CNTNAP2: variants seen among roughly 807,000 people sequenced by gnomAD.
CNTNAP2 encodes contactin-associated protein-like 2.
Under a neutral mutation model 155.2 loss-of-function variants are expected in CNTNAP2, and 98 were observed. That is an observed-to-expected ratio of 0.63 (90% CI 0.54 to 0.75). The LOEUF is 0.75. CNTNAP2 is among the 30% of genes least tolerant of loss of function. The pLI, the probability that CNTNAP2 is intolerant of heterozygous loss-of-function variation, is 0.00. For synonymous variants in CNTNAP2, 651 were observed against 631.2 expected, an observed-to-expected ratio of 1.03 and a Z score of -0.47; for missense variants, 1,727 against 1,688.1, an observed-to-expected ratio of 1.02 and a Z score of -0.40.
chr7:148,052,363 G>GA (rs11377797), intron 15 of CNTNAP2, among the ~76,000 whole-genome samples: 85,227 of 139,224 alleles, frequency 0.61, 26,003 homozygotes, highest in East Asian at 0.84. Flanking sequence ...CCAGGTGATG[G>GA]AAAAAAAAAA....
chr7:146,976,511 G>C (rs2129235274), intron 3 of CNTNAP2, among the ~76,000 whole-genome samples: 1 of 152,246 alleles, frequency 6.6e-6, no homozygotes, highest in Non-Finnish European at 1.5e-5. Flanking sequence ...ACAGAACTCA[G>C]GGAAAGACTT....
chr7:147,690,055 T>C (rs146831553), intron 13 of CNTNAP2, among the ~76,000 whole-genome samples: 1 of 152,270 alleles, frequency 6.6e-6, no homozygotes, highest in East Asian at 1.9e-4. Context: ...CCTTCCTTTC[T>C]TCCTCATTGT....
chr7:146,620,118 C>T (rs1305588003), intron 1 of CNTNAP2, among the ~76,000 whole-genome samples: 1 of 152,128 alleles, frequency 6.6e-6, no homozygotes, highest in African/African-American at 2.4e-5. Context: ...CCACAATACT[C>T]TTAAGTCATT....
At chr7:148,000,161 T>G (rs996328262) in intron 15 of CNTNAP2, among the ~76,000 whole-genome samples, 2 of 152,200 alleles carry the variant, frequency 1.3e-5, no homozygotes, top group Admixed American at 6.5e-5. Flanking sequence ...TTCAGTCTGA[T>G]GCGGAGTCAG....
intron 1 of CNTNAP2, among the ~76,000 whole-genome samples, chr7:146,160,839 C>G (rs1798209748): frequency 6.6e-6 from 1 of 152,150 alleles, no homozygotes; most frequent in Non-Finnish European, 1.5e-5. Context: ...GGAATCCTCC[C>G]TAATTCATTT....
At chr7:147,703,467 A>T (rs1377875145) in intron 13 of CNTNAP2, among the ~76,000 whole-genome samples, 1 of 152,198 alleles carries the variant, frequency 6.6e-6, no homozygotes, top group Non-Finnish European at 1.5e-5. Context: ...GCTGTTTAGG[A>T]CAACAGATCA....
intron 15 of CNTNAP2, among the ~76,000 whole-genome samples, chr7:148,020,982 C>T (rs904939006): frequency 3.3e-5 from 5 of 152,242 alleles, no homozygotes; most frequent in Non-Finnish European, 7.3e-5. Flanking sequence ...TTACTGAATA[C>T]TTTCTTGCAT....
intron 2 of CNTNAP2, among the ~76,000 whole-genome samples, chr7:146,827,547 A>C (rs1283696959): frequency 6.6e-6 from 1 of 151,482 alleles, no homozygotes; most frequent in Non-Finnish European, 1.5e-5. Context: ...GAGAATGATG[A>C]CATTTTCTGG....
chr7:146,374,704 A>T (rs1362608864), intron 1 of CNTNAP2, among the ~76,000 whole-genome samples: 9 of 152,222 alleles, frequency 5.9e-5, no homozygotes, highest in Non-Finnish European at 2.9e-5. Flanking sequence ...GCCTATAAAG[A>T]TAATCAAACA....
At chr7:148,122,806 A>C (rs1804626977) in intron 16 of CNTNAP2, among the ~76,000 whole-genome samples, 1 of 151,990 alleles carries the variant, frequency 6.6e-6, no homozygotes, top group Non-Finnish European at 1.5e-5. Context: ...CCGAGATCAC[A>C]CCACTGCACT....
intron 14 of CNTNAP2, among the ~76,000 whole-genome samples, chr7:147,915,220 A>G (rs1047686229): frequency 3.9e-5 from 6 of 152,338 alleles, no homozygotes; most frequent in East Asian, 3.9e-4. Context: ...CCTGGCCCCA[A>G]TATTGGAAGG....
chr7:147,770,234 A>G (rs531836637), intron 13 of CNTNAP2, among the ~76,000 whole-genome samples: 1 of 152,318 alleles, frequency 6.6e-6, no homozygotes, highest in Non-Finnish European at 1.5e-5. Flanking sequence ...GTGATCTATG[A>G]TAATCTACAA....
intron 3 of CNTNAP2, among the ~76,000 whole-genome samples, chr7:146,913,307 T>C (rs1796327599): frequency 6.6e-6 from 1 of 152,148 alleles, no homozygotes; most frequent in African/African-American, 2.4e-5. Context: ...TGGTGCCTTC[T>C]TCATTCAGAG....
intron 1 of CNTNAP2, among the ~76,000 whole-genome samples, chr7:146,765,595 A>T (rs764548430): frequency 4.6e-5 from 7 of 152,194 alleles, no homozygotes; most frequent in Non-Finnish European, 1.0e-4. Flanking sequence ...GAGTGGACAC[A>T]TCAGGCACCT....
At chr7:147,190,510 A>G (rs1373793840) in intron 8 of CNTNAP2, among the ~76,000 whole-genome samples, 4 of 152,198 alleles carry the variant, frequency 2.6e-5, no homozygotes, top group Non-Finnish European at 2.9e-5. Flanking sequence ...AGAAATTTTT[A>G]TCAGTTGTTC....
chr7:146,807,083 A>C (rs1802981083), intron 2 of CNTNAP2, among the ~76,000 whole-genome samples: 1 of 152,236 alleles, frequency 6.6e-6, no homozygotes, highest in South Asian at 2.1e-4. Flanking sequence ...AGCTTTTGTG[A>C]GCTAATATTT....
At chr7:147,950,401 C>G (rs1430147618) in intron 14 of CNTNAP2, among the ~76,000 whole-genome samples, 2 of 108,028 alleles carry the variant, frequency 1.9e-5, no homozygotes, top group Non-Finnish European at 3.6e-5. Context: ...AAAGACCTTA[C>G]AGTTTTGTTT....
intron 1 of CNTNAP2, among the ~76,000 whole-genome samples, chr7:146,160,560 A>G (rs975686424): frequency 6.6e-6 from 1 of 152,198 alleles, no homozygotes; most frequent in Non-Finnish European, 1.5e-5. Flanking sequence ...ATGATCAGAG[A>G]ATACTACAAA....
chr7:146,688,853 C>A (rs942071549), intron 1 of CNTNAP2, among the ~76,000 whole-genome samples: 1 of 152,042 alleles, frequency 6.6e-6, no homozygotes, highest in Non-Finnish European at 1.5e-5. Flanking sequence ...AATCAAAACT[C>A]TTCATCAGTT....
Sources: gnomAD v4.1 joint callset for allele counts (sites outside exome capture counted in the v4.1 genomes callset) on GRCh38, gnomAD v4.1.1 for gene constraint, MANE v1.5 for transcripts, NCBI Gene and HGNC (gene_info 2026-07-23, HGNC 2026-07-21) for gene names.